The following STX8 variants were observed in gnomAD, a reference collection of about 807,000 sequenced individuals.
STX8 encodes syntaxin 8, also known as syntaxin-8.
Under a neutral mutation model 37.5 loss-of-function variants are expected in STX8, and 23 were observed. That is an observed-to-expected ratio of 0.61 (90% CI 0.44 to 0.87). The LOEUF is 0.87. Among genes scored for constraint, STX8 ranks in the 40% least tolerant of loss-of-function variants. The pLI is 0.00. For missense variants in STX8, 313 were observed against 284.7 expected, an observed-to-expected ratio of 1.10 and a Z score of -0.71; for synonymous variants, 115 against 99.1, an observed-to-expected ratio of 1.16 and a Z score of -0.95.
At chr17:9,329,565 A>G (rs73267993) in intron 7 of STX8, among the ~76,000 whole-genome samples, 10,736 of 152,238 alleles carry the variant, frequency 0.071, 1,230 homozygotes, top group African/African-American at 0.24. Flanking sequence ...AAAGCCCACA[A>G]TGTAGCCCAC....
At chr17:9,391,762 A>G (rs1469888429) in intron 6 of STX8, among the ~76,000 whole-genome samples, 2 of 152,104 alleles carry the variant, frequency 1.3e-5, no homozygotes, top group East Asian at 1.9e-4. Flanking sequence ...GATGGGAAGC[A>G]TATGGCAGAG....
intron 7 of STX8, among the ~76,000 whole-genome samples, chr17:9,294,371 A>C (rs1413045152): frequency 2.6e-5 from 4 of 152,278 alleles, no homozygotes; most frequent in Admixed American, 1.3e-4. Context: ...TCAATGGCTC[A>C]GGAAAGCTGG....
At chr17:9,544,026 T>G (rs941261192) in intron 4 of STX8, among the ~76,000 whole-genome samples, 2 of 152,114 alleles carry the variant, frequency 1.3e-5, no homozygotes, top group African/African-American at 4.8e-5. Flanking sequence ...TCCCTGCCCC[T>G]CTGCCCCTCC....
chr17:9,506,647 G>A (rs919581701), intron 4 of STX8, among the ~76,000 whole-genome samples: 8 of 151,992 alleles, frequency 5.3e-5, no homozygotes, highest in Admixed American at 2.0e-4. Flanking sequence ...AAAGGTAAGC[G>A]GGAGATTCCC....
intron 6 of STX8, among the ~76,000 whole-genome samples, chr17:9,487,639 T>A (rs1217986748): frequency 6.6e-6 from 1 of 151,652 alleles, no homozygotes; most frequent in Admixed American, 6.6e-5. Context: ...AAACCAAGTT[T>A]GCACTGGCAA....
At chr17:9,293,266 T>C (rs1908381818) in intron 7 of STX8, among the ~76,000 whole-genome samples, 1 of 152,124 alleles carries the variant, frequency 6.6e-6, no homozygotes, top group South Asian at 2.1e-4. Flanking sequence ...TTCTAGTTTC[T>C]AGGCAGTATT....
intron 6 of STX8, among the ~76,000 whole-genome samples, chr17:9,477,094 G>A (rs974918425): frequency 6.6e-6 from 1 of 152,056 alleles, no homozygotes; most frequent in Non-Finnish European, 1.5e-5. Flanking sequence ...CTGGGCCTAA[G>A]TAATCCACCT....
At chr17:9,332,284 C>T (rs1366461090) in intron 7 of STX8, among the ~76,000 whole-genome samples, 1 of 152,190 alleles carries the variant, frequency 6.6e-6, no homozygotes, top group Non-Finnish European at 1.5e-5. Context: ...GAGTTGGAGT[C>T]AGGGAGAATG....
chr17:9,375,355 T>C (rs573839472), intron 7 of STX8, among the ~76,000 whole-genome samples: 1 of 152,218 alleles, frequency 6.6e-6, no homozygotes, highest in Admixed American at 6.5e-5. Flanking sequence ...CACTTCTGGG[T>C]AAAAATACTA....
At chr17:9,401,491 A>ATC (rs1912617099) in intron 6 of STX8, among the ~76,000 whole-genome samples, 1 of 152,222 alleles carries the variant, frequency 6.6e-6, no homozygotes, top group South Asian at 2.1e-4. Context: ...ATAGATGTCA[A>ATC]AACAGGCCCA....
chr17:9,402,674 T>C (rs1277903329), intron 6 of STX8, among the ~76,000 whole-genome samples: 2 of 152,170 alleles, frequency 1.3e-5, no homozygotes, highest in African/African-American at 2.4e-5. Context: ...TAACAATTAA[T>C]TACCTCTCAG....
intron 6 of STX8, among the ~76,000 whole-genome samples, chr17:9,470,326 G>A (rs768697645): frequency 1.3e-5 from 2 of 152,056 alleles, no homozygotes; most frequent in East Asian, 1.9e-4. Context: ...TCTTTCTTAC[G>A]CTGTCTTTCC....
chr17:9,297,521 T>A (rs142266781), intron 7 of STX8, among the ~76,000 whole-genome samples: 5 of 152,204 alleles, frequency 3.3e-5, no homozygotes, highest in South Asian at 2.1e-4. Context: ...TGACTTCTCA[T>A]ACAAGCTGAA....
At chr17:9,566,439 C>T (rs1907463361) in intron 2 of STX8, among the ~76,000 whole-genome samples, 1 of 152,206 alleles carries the variant, frequency 6.6e-6, no homozygotes, top group South Asian at 2.1e-4. Context: ...TTTGATTCAG[C>T]AATCCCGTTA....
intron 6 of STX8, among the ~76,000 whole-genome samples, chr17:9,463,883 G>T (rs1295811650): frequency 6.6e-6 from 1 of 151,168 alleles, no homozygotes; most frequent in Non-Finnish European, 1.5e-5. Flanking sequence ...ACTCCAGCCT[G>T]GGCAACAAGA....
intron 7 of STX8, among the ~76,000 whole-genome samples, chr17:9,368,937 T>TA (rs1491140445): frequency 6.9e-6 from 1 of 145,146 alleles, no homozygotes; most frequent in Non-Finnish European, 1.5e-5. Context: ...TTTTTTTTTT[T>TA]AAAGAAACAG....
At chr17:9,498,670 T>C (rs1045329487) in intron 5 of STX8, among the ~76,000 whole-genome samples, 5 of 152,100 alleles carry the variant, frequency 3.3e-5, no homozygotes, top group African/African-American at 2.4e-5. Flanking sequence ...CCATTTCACA[T>C]GCAAACACCA....
At chr17:9,376,911 CAT>C (rs1911611361) in intron 7 of STX8, among the ~76,000 whole-genome samples, 1 of 152,166 alleles carries the variant, frequency 6.6e-6, no homozygotes, top group South Asian at 2.1e-4. Flanking sequence ...CAGGATCTAT[CAT>C]AGATAACAAA....
At chr17:9,455,700 G>A (rs1323075027) in intron 6 of STX8, among the ~76,000 whole-genome samples, 1 of 152,018 alleles carries the variant, frequency 6.6e-6, no homozygotes, top group Non-Finnish European at 1.5e-5. Flanking sequence ...TATCAGGAAG[G>A]GAAGAAAAGG....
Sources: allele counts gnomAD v4.1 joint callset (sites outside exome capture counted in the v4.1 genomes callset), GRCh38; gene constraint gnomAD v4.1.1; transcripts MANE v1.5; gene names NCBI Gene and HGNC (gene_info 2026-07-23, HGNC 2026-07-21).